The following DACH2 variants were observed in gnomAD, a reference collection of about 807,000 sequenced individuals.
The protein encoded by DACH2 is dachshund family transcription factor 2.
DACH2 carries 17 observed loss-of-function variants against 35.8 expected under a neutral mutation model. The observed-to-expected ratio is 0.48, with a 90% CI of 0.33 to 0.71. DACH2 has a LOEUF of 0.71. Among genes scored for constraint, DACH2 ranks in the 30% least tolerant of loss-of-function variants. The pLI, the probability that DACH2 is intolerant of heterozygous loss-of-function variation, is 0.02. For missense variants in DACH2, 469 were observed against 472.7 expected (o/e 0.99, Z 0.07); for synonymous variants, 195 against 177.3 (o/e 1.10, Z -0.79).
chrX:86,241,679 T>A (rs2033168336), intron 1 of DACH2, among the ~76,000 whole-genome samples: 1 of 112,366 alleles, frequency 8.9e-6, no homozygotes, highest in Admixed American at 9.4e-5. Context: ...CTCAAGGGCA[T>A]GTCAGAGACT....
chrX:86,481,385 A>G (rs2037932941), intron 2 of DACH2: 2 of 111,841 alleles, frequency 1.8e-5, no homozygotes, highest in African/African-American at 6.5e-5. Flanking sequence ...TTTGTGAGTC[A>G]TTTGCTGAAT....
chrX:86,759,146 G>A (rs1399802170), intron 7 of DACH2, among the ~76,000 whole-genome samples: 3 of 108,319 alleles, frequency 2.8e-5, no homozygotes, highest in African/African-American at 7.1e-5. Flanking sequence ...TATACTGTGC[G>A]GTTTAAATCC....
chrX:86,290,756 G>A (rs1440980629), intron 1 of DACH2, among the ~76,000 whole-genome samples: 10 of 95,090 alleles, frequency 1.1e-4, no homozygotes, highest in African/African-American at 2.9e-4. Flanking sequence ...TATTTCTGAG[G>A]GCTCTGTTCT....
chrX:86,309,770 G>A (rs1282122686), intron 1 of DACH2, among the ~76,000 whole-genome samples: 1 of 112,252 alleles, frequency 8.9e-6, no homozygotes, highest in East Asian at 2.8e-4. Flanking sequence ...GAGGCACAAT[G>A]CCTAGTAGGG....
At chrX:86,507,905 A>G (rs1039764909) in intron 2 of DACH2, among the ~76,000 whole-genome samples, 2 of 111,740 alleles carry the variant, frequency 1.8e-5, no homozygotes, top group Non-Finnish European at 3.8e-5. Flanking sequence ...AGTAAAAAAC[A>G]TGGAGAGAAG....
intron 3 of DACH2, among the ~76,000 whole-genome samples, chrX:86,641,263 G>A (rs760433886): frequency 8.0e-5 from 9 of 112,096 alleles, no homozygotes; most frequent in Non-Finnish European, 1.1e-4. Flanking sequence ...AGAACCTAAC[G>A]TGTCAGGCAG....
intron 4 of DACH2, among the ~76,000 whole-genome samples, chrX:86,676,011 T>C (rs182602320): frequency 1.2e-4 from 14 of 112,183 alleles, no homozygotes; most frequent in Admixed American, 1.2e-3. Flanking sequence ...TGTGTGCACA[T>C]ACACATGTGC....
chrX:86,282,579 G>A (rs1440367127), intron 1 of DACH2, among the ~76,000 whole-genome samples: 2 of 111,110 alleles, frequency 1.8e-5, no homozygotes, highest in African/African-American at 3.3e-5. Context: ...CATAGGCATG[G>A]ACAAAGACTT....
At chrX:86,207,320 A>G (rs192166347) in intron 1 of DACH2, among the ~76,000 whole-genome samples, 1,221 of 111,079 alleles carry the variant, frequency 0.011, 23 homozygotes, top group African/African-American at 0.038. Context: ...GGTTTCATGA[A>G]CTCTATAATC....
intron 3 of DACH2, among the ~76,000 whole-genome samples, chrX:86,642,600 A>C (rs142097402): frequency 0.036 from 4,075 of 111,835 alleles, 182 homozygotes; most frequent in African/African-American, 0.12. Flanking sequence ...CATTGGACCA[A>C]ATGGATCTGA....
intron 1 of DACH2, among the ~76,000 whole-genome samples, chrX:86,340,295 G>A (rs1028437897): frequency 9.0e-6 from 1 of 111,086 alleles, no homozygotes; most frequent in East Asian, 2.8e-4. Context: ...TTGACATTTT[G>A]GTAATTCTCA....
intron 2 of DACH2, among the ~76,000 whole-genome samples, chrX:86,471,889 A>T (rs1305262884): frequency 1.8e-5 from 2 of 111,693 alleles, no homozygotes; most frequent in African/African-American, 6.5e-5. Flanking sequence ...AAGTGTTCTC[A>T]TTCCAAAAGA....
chrX:86,323,989 T>C, intron 1 of DACH2, among the ~76,000 whole-genome samples: 1 of 111,762 alleles, frequency 8.9e-6, no homozygotes, highest in Non-Finnish European at 1.9e-5. Flanking sequence ...TTTACGCACT[T>C]TTCTGATGAA....
intron 6 of DACH2, 75 bp downstream of exon 6, chrX:86,714,795 T>G (rs987763137): frequency 1.1e-6 from 1 of 937,027 alleles, no homozygotes; most frequent in African/African-American, 1.9e-5. Context: ...ACAATCCCAC[T>G]GGATCTTCAG....
chrX:86,765,241 T>C (rs7882398), intron 7 of DACH2, among the ~76,000 whole-genome samples: 1 of 111,859 alleles, frequency 8.9e-6, no homozygotes, highest in Non-Finnish European at 1.9e-5. Flanking sequence ...TAGGTGCCAC[T>C]TGTCAATTTT....
intron 3 of DACH2, among the ~76,000 whole-genome samples, chrX:86,568,244 A>G (rs2039317858): frequency 9.0e-6 from 1 of 111,422 alleles, no homozygotes; most frequent in African/African-American, 3.3e-5. Context: ...GAAATCACAT[A>G]GAATATACAG....
chrX:86,328,140 TACTA>T (rs1441105772), intron 1 of DACH2, among the ~76,000 whole-genome samples: 5 of 111,671 alleles, frequency 4.5e-5, no homozygotes, highest in Non-Finnish European at 9.4e-5. Context: ...ACTCCAAGCA[TACTA>T]ACTTTCATTT....
intron 1 of DACH2, among the ~76,000 whole-genome samples, chrX:86,184,980 C>A (rs1397946294): frequency 9.0e-6 from 1 of 111,444 alleles, no homozygotes; most frequent in African/African-American, 3.3e-5. Context: ...ACCCTTTATG[C>A]AAGAGGCTTA....
intron 5 of DACH2, among the ~76,000 whole-genome samples, chrX:86,703,743 C>T (rs2041173436): frequency 9.0e-6 from 1 of 111,263 alleles, no homozygotes; most frequent in South Asian, 3.7e-4. Context: ...CCTAGGAATA[C>T]ATCTAACCAA....
Sources: gnomAD v4.1 joint callset for allele counts (sites outside exome capture counted in the v4.1 genomes callset) on GRCh38, gnomAD v4.1.1 for gene constraint, MANE v1.5 for transcripts, NCBI Gene and HGNC (gene_info 2026-07-23, HGNC 2026-07-21) for gene names.